The following LNPK variants were observed in gnomAD, a reference collection of about 807,000 sequenced individuals.
The protein encoded by LNPK is lunapark, ER junction formation factor, also known as endoplasmic reticulum junction formation protein lunapark.
In LNPK, 29 loss-of-function variants were observed where a neutral mutation model predicts 55.2. The ratio of observed to expected loss-of-function variants is 0.53; its 90% CI spans 0.39 to 0.72. LNPK has a LOEUF of 0.72. Among genes scored for constraint, LNPK ranks in the 30% least tolerant of loss-of-function variants. LNPK has a pLI of 0.00. For synonymous variants in LNPK, 162 were observed against 168.2 expected (o/e 0.96, Z 0.29); for missense variants, 467 against 494.8 (o/e 0.94, Z 0.53).
intron 4 of LNPK, among the ~76,000 whole-genome samples, chr2:175,991,048 C>T (rs1022593206): frequency 6.6e-6 from 1 of 152,024 alleles, no homozygotes; most frequent in Non-Finnish European, 1.5e-5. Flanking sequence ...TAATAGCAAA[C>T]CTAGATCATA....
intron 12 of LNPK, among the ~76,000 whole-genome samples, chr2:175,931,229 T>C (rs1684267892): frequency 6.6e-6 from 1 of 152,206 alleles, no homozygotes; most frequent in Non-Finnish European, 1.5e-5. Flanking sequence ...AGATGATTTC[T>C]TACGATATAC....
At chr2:175,947,418 C>T (rs751713236) in intron 9 of LNPK, 62 bp downstream of exon 9, 6 of 1,403,402 alleles carry the variant, frequency 4.3e-6, no homozygotes, top group Non-Finnish European at 5.0e-6. Context: ...GAAAATGGCC[C>T]GTTTTATTGG....
intron 3 of LNPK, among the ~76,000 whole-genome samples, chr2:175,992,932 C>T (rs931241692): frequency 6.6e-6 from 1 of 152,048 alleles, no homozygotes; most frequent in Non-Finnish European, 1.5e-5. Context: ...TTTGTCCTAC[C>T]TGTAACACTG....
intron 8 of LNPK, among the ~76,000 whole-genome samples, chr2:175,956,028 C>G (rs1174364577): frequency 1.3e-5 from 2 of 152,114 alleles, no homozygotes; most frequent in African/African-American, 4.8e-5. Context: ...GCCTGTAATT[C>G]TAGCACTTTG....
At position 175,930,069 on chromosome 2, in the gene LNPK, A is replaced by C. The variant is rs764162359; in HGVS notation, c.1185T>G (p.Thr395=). ...CAATCACTGAGGCTTCCTCATTCTC[A>C]GTCTCTTGTTTCTCCTCTGGTTCCT... ...DSEEPEEKQE[T]ENEEASVIET... is the part of the protein sequence containing the mutation. Residue 395 remains threonine, a synonymous_variant, in exon 13 of 13, where the codon ACT becomes ACG. Coordinates refer to ENST00000272748, the MANE Select transcript of LNPK (RefSeq NM_030650.3). The C allele has an allele frequency of 6.4e-5, 103 of 1,614,012 alleles. No individual in the cohort carries two copies. In the South Asian group the frequency reaches 1.1e-3, roughly 17 times the overall value.
intron 8 of LNPK, among the ~76,000 whole-genome samples, chr2:175,948,665 T>C (rs574192366): frequency 6.6e-6 from 1 of 152,334 alleles, no homozygotes; most frequent in South Asian, 2.1e-4. Context: ...TCACAAATCC[T>C]GAATTAGTGA....
At chr2:175,997,740 A>AGTGTGTGTGTGTGTGTGTGT (rs1559079701) in intron 1 of LNPK, among the ~76,000 whole-genome samples, 2 of 52,870 alleles carry the variant, frequency 3.8e-5, no homozygotes, top group African/African-American at 1.3e-4. Context: ...TGTGTGTATA[A>AGTGTGTGTGTGTGTGTGTGT]ATATAATTTT....
At chr2:175,986,588 A>G (rs1687425455) in intron 4 of LNPK, among the ~76,000 whole-genome samples, 1 of 152,156 alleles carries the variant, frequency 6.6e-6, no homozygotes, top group Admixed American at 6.5e-5. Context: ...ATGTTTTTAT[A>G]AAATGATCAC....
In LNPK at chr2:175,947,690, T is replaced by A. The variant is rs533299897; in HGVS notation, c.496A>T (p.Ile166Phe). Residue 166 changes from isoleucine to phenylalanine, a missense_variant and splice_region_variant, in exon 9 of 13, where the codon ATT becomes TTT. By Grantham distance (21) the Ile-to-Phe change is conservative. Coordinates refer to ENST00000272748, the MANE Select transcript of LNPK (RefSeq NM_030650.3). ...CTTTGAGCTGCAGTTCGCTGACGAA[T>A]CTCTGAGAAGAGTAAGTACATACTA... ...AAVTARPGQE[I>F]RQRTAAQRNL... 3 of 1,609,674 alleles carry A rather than the reference T, an allele frequency of 1.9e-6. No individual in the cohort carries two copies. In the African/African-American group the frequency reaches 4.0e-5, roughly 21 times the overall value.
chr2:175,995,079 GC>G (rs1396642813), intron 2 of LNPK, among the ~76,000 whole-genome samples: 4 of 151,630 alleles, frequency 2.6e-5, no homozygotes, highest in African/African-American at 7.3e-5. Flanking sequence ...GCAACACTAC[GC>G]CCAGCTAATT....
At chr2:175,934,671 A>T (rs556933503) in intron 12 of LNPK, among the ~76,000 whole-genome samples, 24 of 152,084 alleles carry the variant, frequency 1.6e-4, no homozygotes, top group Admixed American at 3.3e-4. Flanking sequence ...AAACTGATAA[A>T]CCACCTTAAT....
intron 6 of LNPK, among the ~76,000 whole-genome samples, chr2:175,965,182 T>C (rs1435856338): frequency 6.6e-6 from 1 of 152,130 alleles, no homozygotes; most frequent in Non-Finnish European, 1.5e-5. Flanking sequence ...CTCAAACAAC[T>C]TTAGAGGAAA....
rs1684160193 is a variant in LNPK, at chr2:175,929,472, C to T, written c.*495G>A. On this transcript the variant is annotated 3_prime_UTR_variant, in exon 13 of 13. Transcript: ENST00000272748. Reference sequence around the variant, plus strand: ...CTATGTGGTAACAACTTTCATACCGCTTAATGTAAACACCTAAATAGACAT... The same window carrying T: ...CTATGTGGTAACAACTTTCATACCGTTTAATGTAAACACCTAAATAGACAT... 1 of 989,128 alleles carries T rather than the reference C, an allele frequency of 1.0e-6. No homozygotes were observed. Among genetic ancestry groups the T allele is most frequent in the Non-Finnish European group, 1.2e-6 (1 of 832,254 alleles). 61.3% of individuals were successfully genotyped at this position (989,128 alleles called of 1,614,324 possible). A position where few individuals can be genotyped will look rare whatever the true frequency, so the allele number is the denominator to read the frequency against.
At chr2:175,939,501 A>G in intron 10 of LNPK, 51 bp downstream of exon 10, 1 of 1,042,432 alleles carries the variant, frequency 9.6e-7, no homozygotes, top group Non-Finnish European at 1.5e-6. Context: ...GTACACACAC[A>G]CACACATCCT....
chr2:175,962,852 T>G (rs1482011746), intron 8 of LNPK, among the ~76,000 whole-genome samples: 22 of 150,650 alleles, frequency 1.5e-4, no homozygotes, highest in African/African-American at 4.9e-4. Flanking sequence ...TCAAACAAAT[T>G]TACAAGAAAA....
chr2:175,991,026 T>G (rs181591425), intron 4 of LNPK, among the ~76,000 whole-genome samples: 1 of 152,312 alleles, frequency 6.6e-6, no homozygotes, highest in Admixed American at 6.5e-5. Context: ...CCCAAAAAAC[T>G]GTTATGAATC....
intron 9 of LNPK, among the ~76,000 whole-genome samples, chr2:175,946,782 T>C (rs1372579958): frequency 2.6e-5 from 4 of 152,140 alleles, no homozygotes; most frequent in Admixed American, 2.0e-4. Context: ...CAATATGACA[T>C]GGAAATCTAC....
chr2:175,965,833 A>G (rs963214537), intron 6 of LNPK, among the ~76,000 whole-genome samples: 1 of 152,076 alleles, frequency 6.6e-6, no homozygotes, highest in Admixed American at 6.5e-5. Context: ...AGGTAGAAAG[A>G]GGGCATAATA....
intron 9 of LNPK, among the ~76,000 whole-genome samples, chr2:175,946,916 C>G (rs1182332381): frequency 6.6e-6 from 1 of 151,560 alleles, no homozygotes. Flanking sequence ...AGATCCACCA[C>G]AGTGAAAAGA....
Sources: gnomAD v4.1 joint callset for allele counts (sites outside exome capture counted in the v4.1 genomes callset) on GRCh38, gnomAD v4.1.1 for gene constraint, MANE v1.5 for transcripts, NCBI Gene and HGNC (gene_info 2026-07-23, HGNC 2026-07-21) for gene names.